MCC: variants seen among roughly 807,000 people sequenced by gnomAD.
MCC encodes MCC regulator of Wnt signaling pathway.
Under a neutral mutation model 116.2 loss-of-function variants are expected in MCC, and 90 were observed. The observed-to-expected ratio is 0.77, with a 90% CI of 0.65 to 0.92. MCC has a LOEUF of 0.92. MCC is among the 40% of genes least tolerant of loss of function. The probability of loss-of-function intolerance (pLI) is 0.00; values close to 1 mark genes in which losing one functional copy is unlikely to be tolerated. For missense variants in MCC, 1,516 were observed against 1,312.2 expected (o/e 1.16, Z -2.40); for synonymous variants, 578 against 510.5 (o/e 1.13, Z -1.78).
At chr5:113,431,767 G>T (rs1001224560) in intron 1 of MCC, among the ~76,000 whole-genome samples, 29 of 124,408 alleles carry the variant, frequency 2.3e-4, no homozygotes, top group Non-Finnish European at 4.3e-4. Flanking sequence ...AGGCCAAGGG[G>T]GGGGGGGGGT....
chr5:113,110,003 G>C (rs1330650497), intron 6 of MCC, among the ~76,000 whole-genome samples: 1 of 151,238 alleles, frequency 6.6e-6, no homozygotes, highest in East Asian at 1.9e-4. Flanking sequence ...TTTTTCTCCA[G>C]AGACAGGATC....
intron 17 of MCC, among the ~76,000 whole-genome samples, chr5:113,029,767 A>G (rs1750827783): frequency 6.6e-6 from 1 of 152,204 alleles, no homozygotes; most frequent in African/African-American, 2.4e-5. Flanking sequence ...GCAGGGAAAC[A>G]CTAATCAAAG....
chr5:113,275,487 C>T (rs1412611968), intron 3 of MCC, among the ~76,000 whole-genome samples: 1 of 152,022 alleles, frequency 6.6e-6, no homozygotes, highest in African/African-American at 2.4e-5. Context: ...ATTCAGCTAC[C>T]TCTGTGATTA....
At chr5:113,138,584 C>A (rs1261360233) in intron 5 of MCC, among the ~76,000 whole-genome samples, 1 of 152,168 alleles carries the variant, frequency 6.6e-6, no homozygotes, top group Non-Finnish European at 1.5e-5. Context: ...GACTTCCCAG[C>A]CCCCAGAACT....
At chr5:113,143,174 G>A (rs1759282550) in intron 5 of MCC, 44 bp downstream of exon 5, 2 of 1,544,374 alleles carry the variant, frequency 1.3e-6, no homozygotes, top group African/African-American at 1.4e-5. Context: ...AAGATGGAGG[G>A]TTTAGCAGAA....
chr5:113,403,458 G>A (rs552703661), intron 1 of MCC, among the ~76,000 whole-genome samples: 3 of 152,178 alleles, frequency 2.0e-5, no homozygotes, highest in Non-Finnish European at 4.4e-5. Context: ...TGAGTACTGT[G>A]AACTAGGTGT....
rs569681541 is a variant in MCC, at chr5:113,032,149, G to A, written c.2757-3093C>T. Among the ~76,000 whole-genome samples, 3 of 152,166 alleles carry A rather than the reference G, an allele frequency of 2.0e-5. No individual in the cohort carries two copies. In the South Asian group the frequency reaches 6.2e-4, roughly 31 times the overall value. ...ACAGGGGCCGGGCGCTGTGGCTCAC[G>A]CCTGTAATCCCAGCACTTTGGTAGG... is the stretch of plus-strand genomic sequence containing the variant. On this transcript the variant is annotated intron_variant, in intron 17 of 18. Transcript: ENST00000408903.
At chr5:113,397,415 C>A (rs559880260) in intron 1 of MCC, among the ~76,000 whole-genome samples, 219 of 151,750 alleles carry the variant, frequency 1.4e-3, no homozygotes, top group African/African-American at 5.1e-3. Context: ...TGAAAAAACG[C>A]TTTTGGTTGT....
At chr5:113,327,153 A>C (rs532504569) in intron 3 of MCC, among the ~76,000 whole-genome samples, 1 of 152,296 alleles carries the variant, frequency 6.6e-6, no homozygotes, top group Admixed American at 6.5e-5. Context: ...GATCTGGGAT[A>C]AAGGAGGATC....
At chr5:113,395,179 G>C (rs959494989) in intron 1 of MCC, among the ~76,000 whole-genome samples, 2 of 152,284 alleles carry the variant, frequency 1.3e-5, no homozygotes, top group Middle Eastern at 3.4e-3. Flanking sequence ...TGTTAGACTT[G>C]AGGTAAAAGA....
intron 4 of MCC, among the ~76,000 whole-genome samples, chr5:113,145,737 TACACACACACAC>T (rs558608537): frequency 4.3e-4 from 53 of 123,404 alleles, no homozygotes; most frequent in African/African-American, 1.5e-3. Context: ...TAAACTTGCT[TACACACACACAC>T]ACACACACAC....
intron 1 of MCC, among the ~76,000 whole-genome samples, chr5:113,461,485 T>C (rs1209744489): frequency 1.3e-5 from 2 of 151,920 alleles, no homozygotes; most frequent in Admixed American, 1.3e-4. Context: ...AACTCTATGC[T>C]GCCTACCCCT....
chr5:113,074,199 G>A (rs1230046020), intron 11 of MCC, among the ~76,000 whole-genome samples: 2 of 152,230 alleles, frequency 1.3e-5, no homozygotes, highest in African/African-American at 4.8e-5. Context: ...GGAAGGATCA[G>A]GCAGCAACAT....
intron 12 of MCC, among the ~76,000 whole-genome samples, chr5:113,070,800 A>G (rs533371826): frequency 6.6e-6 from 1 of 152,380 alleles, no homozygotes; most frequent in East Asian, 1.9e-4. Context: ...ACATATGAAC[A>G]TGAATAAAGA....
intron 1 of MCC, among the ~76,000 whole-genome samples, chr5:113,386,352 C>A (rs1444184195): frequency 6.6e-6 from 1 of 152,128 alleles, no homozygotes; most frequent in Admixed American, 6.5e-5. Flanking sequence ...ATCTCCTGGT[C>A]AATGTCACTA....
chr5:113,228,578 G>A (rs2150333056), intron 3 of MCC, among the ~76,000 whole-genome samples: 1 of 152,314 alleles, frequency 6.6e-6, no homozygotes, highest in South Asian at 2.1e-4. Flanking sequence ...GAAGGAAGGT[G>A]GAGGTGGTGG....
chr5:113,340,119 A>T (rs1767973809), intron 3 of MCC, among the ~76,000 whole-genome samples: 1 of 152,276 alleles, frequency 6.6e-6, no homozygotes, highest in African/African-American at 2.4e-5. Context: ...AGAAACAAGA[A>T]ACCTTCAATG....
At chr5:113,182,383 C>T (rs75044890) in intron 3 of MCC, among the ~76,000 whole-genome samples, 3,513 of 152,276 alleles carry the variant, frequency 0.023, 123 homozygotes, top group African/African-American at 0.08. Flanking sequence ...TGGTAAGTGA[C>T]TCACTCAAAA....
At chr5:113,046,711 A>AAAAAAAAAAAAAGG (rs1752113971) in intron 16 of MCC, among the ~76,000 whole-genome samples, 1 of 112,472 alleles carries the variant, frequency 8.9e-6, no homozygotes, top group African/African-American at 4.2e-5. Context: ...AAAAAAAAAA[A>AAAAAAAAAAAAAGG]GAGAGAGATT....
Sources: gnomAD v4.1 joint callset for allele counts (sites outside exome capture counted in the v4.1 genomes callset) on GRCh38, gnomAD v4.1.1 for gene constraint, MANE v1.5 for transcripts, NCBI Gene and HGNC (gene_info 2026-07-23, HGNC 2026-07-21) for gene names.